Variants in USP13 observed in about 807,000 individuals in gnomAD.
USP13 encodes the protein ubiquitin carboxyl-terminal hydrolase 13.
In USP13, 68 loss-of-function variants were observed where a neutral mutation model predicts 107.8. That is an observed-to-expected ratio of 0.63 (90% CI 0.52 to 0.77). USP13 has a LOEUF of 0.77. Among genes scored for constraint, USP13 ranks in the 30% least tolerant of loss-of-function variants. The pLI is 0.00. For missense variants in USP13, 945 were observed against 1,093.3 expected (o/e 0.86, Z 1.91); for synonymous variants, 377 against 389.5 (o/e 0.97, Z 0.38).
intron 14 of USP13, among the ~76,000 whole-genome samples, chr3:179,752,825 T>G (rs756679437): frequency 3.9e-5 from 6 of 152,216 alleles, no homozygotes; most frequent in Non-Finnish European, 4.4e-5. Context: ...TGCAGTCTCC[T>G]CATAGGATCT....
rs370837881 is a variant in USP13 at position 179,664,968 on chromosome 3, A to T, written c.168+11575A>T. 3.9e-5 allele frequency among the ~76,000 whole-genome samples: 6 copies of T among 152,174 alleles called. No individual in the cohort carries two copies. In the East Asian group the frequency reaches 9.7e-4, roughly 25 times the overall value. ...CCTGGCATGGTGGCAGGTGCCTGTA[A>T]TCCCAGCTACTCAGGAGGCTGAGGC... On this transcript the variant is annotated intron_variant, in intron 1 of 20. Transcript: ENST00000263966.
chr3:179,707,613 G>A (rs768692791), intron 5 of USP13, among the ~76,000 whole-genome samples: 2 of 152,064 alleles, frequency 1.3e-5, no homozygotes, highest in African/African-American at 2.4e-5. Context: ...ATCACCTCCC[G>A]GACAAGCCAT....
At chr3:179,727,279 A>G (rs1252823927) in intron 8 of USP13, among the ~76,000 whole-genome samples, 1 of 137,300 alleles carries the variant, frequency 7.3e-6, no homozygotes, top group Non-Finnish European at 1.6e-5. Flanking sequence ...AAGTGAACAA[A>G]AGTCTCTGGT....
chr3:179,740,368 T>C lies in USP13; in HGVS notation c.1376T>C (p.Val459Ala), dbSNP rs1251966194. ...QEFFLHLVNL[V>A]ERNRIGSENP... Reference sequence around the variant, plus strand: ...TTCTTCTTGCACCTGGTGAATCTAGTAGAGGTGAGTAGTCAGTCTTCACGG... The same window carrying C: ...TTCTTCTTGCACCTGGTGAATCTAGCAGAGGTGAGTAGTCAGTCTTCACGG... The change falls in exon 11 of 21, where the codon GTA becomes GCA. Residue 459 changes from valine to alanine, a missense_variant. Val to Ala is a moderately conservative substitution (Grantham distance 64). Transcript: ENST00000263966. 2 of 1,614,038 alleles carry C rather than the reference T, an allele frequency of 1.2e-6. No individual in the cohort carries two copies. Among genetic ancestry groups the C allele is most frequent in the African/African-American group, 1.3e-5 (1 of 75,038 alleles).
rs1711923511 is a variant in USP13 at position 179,687,666 on chromosome 3, A to AAAAAAAAAAAAAAC, written c.295-2562_295-2561insCAAAAAAAAAAAAA. Among the ~76,000 whole-genome samples the AAAAAAAAAAAAAAC allele has an allele frequency of 1.7e-5, 2 of 118,300 alleles. 1 individual carries two copies. 77.6% of individuals were successfully genotyped at this position (118,300 alleles called of 152,430 possible). A position where few individuals can be genotyped will look rare whatever the true frequency, so the allele number is the denominator to read the frequency against. On this transcript the variant is annotated intron_variant, in intron 2 of 20. Transcript: ENST00000263966. ...AAGAGTGAAACTCTGTCTCAAAAAA[A>AAAAAAAAAAAAAAC]AAAAAAAAAAAAAAAAAAAGGACTA...
In USP13 at chr3:179,754,829, C is replaced by CA. The variant is rs747139508; in HGVS notation, c.1897dup (p.Ile633AsnfsTer5). On this transcript the variant is annotated frameshift_variant, in exon 15 of 21. Coordinates refer to ENST00000263966, the MANE Select transcript of USP13 (RefSeq NM_003940.3). LOFTEE classifies it high-confidence loss of function. Reference sequence around the variant, plus strand: ...AAGAACTTCCAGACATCAGCCCCCCCATAGTCATTCCTGATGACTCAAAAG... The same window carrying CA: ...AAGAACTTCCAGACATCAGCCCCCCCAATAGTCATTCCTGATGACTCAAAAG... 6.2e-7 allele frequency: 1 copy of CA among 1,612,540 alleles called. No homozygotes were observed. The highest frequency in any genetic ancestry group is 1.1e-5 in the South Asian group (1 of 90,538).
chr3:179,782,900 C>A (rs1715795237), intron 20 of USP13, among the ~76,000 whole-genome samples: 1 of 152,126 alleles, frequency 6.6e-6, no homozygotes, highest in African/African-American at 2.4e-5. Flanking sequence ...CATGTGCTAT[C>A]ATGACTGGCT....
At chr3:179,744,233 A>G (rs1229436313) in intron 12 of USP13, among the ~76,000 whole-genome samples, 1 of 152,128 alleles carries the variant, frequency 6.6e-6, no homozygotes, top group East Asian at 1.9e-4. Flanking sequence ...CCTTGGCCTC[A>G]CAGGGACCCA....
At chr3:179,708,621 T>C in intron 5 of USP13, 152 bp from the exon 6 acceptor site, 1 of 1,002,920 alleles carries the variant, frequency 1.0e-6, no homozygotes, top group Non-Finnish European at 1.4e-6. Context: ...CGGCCAACAA[T>C]GTCTTGAGGG....
At chr3:179,758,276 T>C (rs1714875881) in intron 16 of USP13, among the ~76,000 whole-genome samples, 1 of 152,040 alleles carries the variant, frequency 6.6e-6, no homozygotes, top group Non-Finnish European at 1.5e-5. Context: ...CGCCTGATGC[T>C]GTGGAGAGCT....
intron 1 of USP13, among the ~76,000 whole-genome samples, chr3:179,681,221 A>G (rs776901956): frequency 1.4e-4 from 21 of 152,174 alleles, no homozygotes; most frequent in Admixed American, 3.3e-4. Context: ...TGATGACTAC[A>G]GTGTTGTGAC....
intron 18 of USP13, 30 bp downstream of exon 18, chr3:179,764,198 TG>T: frequency 6.3e-7 from 1 of 1,577,312 alleles, no homozygotes. Context: ...TGTGTGTGTG[TG>T]TGTGTGTGTG....
chr3:179,665,168 T>G (rs1225001996), intron 1 of USP13, among the ~76,000 whole-genome samples: 3 of 152,202 alleles, frequency 2.0e-5, no homozygotes. Context: ...TGGCTTCCTG[T>G]GCACTCTGCA....
At chr3:179,763,843 C>T (rs1335459316) in intron 17 of USP13, among the ~76,000 whole-genome samples, 159 bp from the exon 18 acceptor site, 2 of 152,116 alleles carry the variant, frequency 1.3e-5, no homozygotes, top group African/African-American at 4.8e-5. Context: ...GCCTTGGCCT[C>T]CCAAAGTGCT....
Position 179,760,282 on chromosome 3 carries a change from GT to G in USP13, c.1949-811del, listed in dbSNP as rs1363561918. Among the ~76,000 whole-genome samples the G allele has an allele frequency of 3.1e-3, 384 of 123,480 alleles. 1 individual carries two copies. The highest frequency in any genetic ancestry group is 0.014 in the Middle Eastern group (3 of 218). 81.0% of individuals were successfully genotyped at this position (123,480 alleles called of 152,430 possible). On this transcript the variant is annotated intron_variant, in intron 16 of 20. Coordinates refer to ENST00000263966, the MANE Select transcript of USP13 (RefSeq NM_003940.3). ...TTACTTTGTAAAGCCGTCTCTTAAT[GT>G]TTTTTTTTTTTTTTTTTTGAGACGG...
At chr3:179,694,064 G>T (rs1005201971) in intron 3 of USP13, among the ~76,000 whole-genome samples, 5 of 151,276 alleles carry the variant, frequency 3.3e-5, no homozygotes, top group African/African-American at 1.2e-4. Context: ...TCGGCCTCCT[G>T]TAGGGCTCAA....
At chr3:179,768,807 T>C (rs1280566159) in intron 19 of USP13, among the ~76,000 whole-genome samples, 1 of 152,214 alleles carries the variant, frequency 6.6e-6, no homozygotes. Context: ...TATACTACTA[T>C]GTTACATTGC....
intron 19 of USP13, 141 bp from the exon 20 acceptor site, chr3:179,781,598 C>G: frequency 1.6e-6 from 1 of 640,938 alleles, no homozygotes; most frequent in South Asian, 2.2e-5. Flanking sequence ...TGTGTGTTGT[C>G]AACATAGCAA....
chr3:179,655,164 C>T (rs1055917171), intron 1 of USP13, among the ~76,000 whole-genome samples: 33 of 152,148 alleles, frequency 2.2e-4, no homozygotes, highest in African/African-American at 7.5e-4. Context: ...TTTAGGATAG[C>T]ACAACATGGA....
Sources: gnomAD v4.1 joint callset for allele counts (sites outside exome capture counted in the v4.1 genomes callset) on GRCh38, gnomAD v4.1.1 for gene constraint, MANE v1.5 for transcripts, NCBI Gene and HGNC (gene_info 2026-07-23, HGNC 2026-07-21) for gene names.